Variants in TCEANC2 observed in about 807,000 individuals in gnomAD.
The protein encoded by TCEANC2 is transcription elongation factor A N-terminal and central domain containing 2, also known as transcription elongation factor A N-terminal and central domain-containing protein 2.
In TCEANC2, 20 loss-of-function variants were observed where a neutral mutation model predicts 22.8. That is an observed-to-expected ratio of 0.88 (90% CI 0.62 to 1.28). The LOEUF is 1.28. TCEANC2 is among the 50% of genes most tolerant of loss of function. TCEANC2 has a pLI of 0.00. For missense variants in TCEANC2, 251 were observed against 249.7 expected, an observed-to-expected ratio of 1.01 and a Z score of -0.03; for synonymous variants, 84 against 95.5, an observed-to-expected ratio of 0.88 and a Z score of 0.70.
chr1:54,073,575 A>G (rs896387177), intron 3 of TCEANC2, among the ~76,000 whole-genome samples: 1 of 152,114 alleles, frequency 6.6e-6, no homozygotes, highest in African/African-American at 2.4e-5. Flanking sequence ...TCCAGGATCT[A>G]GTAATACTGC....
intron 2 of TCEANC2, among the ~76,000 whole-genome samples, chr1:54,055,717 T>C (rs959625363): frequency 3.9e-5 from 6 of 152,216 alleles, no homozygotes; most frequent in East Asian, 1.9e-4. Context: ...ATATACTCAA[T>C]TGGACTCCTT....
chr1:54,085,050 C>G (rs1658314683), intron 3 of TCEANC2, among the ~76,000 whole-genome samples: 1 of 152,180 alleles, frequency 6.6e-6, no homozygotes, highest in Non-Finnish European at 1.5e-5. Flanking sequence ...TCCTCTTCCT[C>G]CTTGTGATGA....
chr1:54,096,337 C>G lies in TCEANC2; in HGVS notation c.491C>G (p.Ser164Cys), dbSNP rs41294786. ...GAACGGGAAACGTTTCATCTCTGCT[C>G]CCGCCTCATTAATGGGCCGTACCGG... ...NIERETFHLC[S>C]RLINGPYRRT... Residue 164 changes from serine (S) to cysteine (C), a missense_variant, in exon 5 of 5, where the codon TCC (serine) becomes TGC (cysteine). Ser to Cys is a moderately radical substitution (Grantham distance 112). Transcript: ENST00000234827. This position sits in a 1 kb window ranked among gnomAD's most constrained non-coding sequence, Gnocchi z 4.9. 4,023 of 1,609,308 alleles carry G rather than the reference C, an allele frequency of 2.5e-3. 12 individuals carry two copies. The highest frequency in any genetic ancestry group is 3.3e-3 in the Non-Finnish European group (3,845 of 1,175,864).
intron 3 of TCEANC2, among the ~76,000 whole-genome samples, chr1:54,072,459 C>T (rs190039601): frequency 3.6e-4 from 55 of 151,708 alleles, no homozygotes; most frequent in Admixed American, 1.8e-3. Flanking sequence ...TGCAGTGGCG[C>T]GATCTCAGCT....
At chr1:54,107,440 A>G (rs552337889), downstream of TCEANC2, among the ~76,000 whole-genome samples, 190 of 152,060 alleles carry the variant, frequency 1.2e-3, 1 homozygote, top group Non-Finnish European at 2.0e-3. Context: ...TGAAGTTGTC[A>G]TTTTTCCCTT....
intron 4 of TCEANC2, chr1:54,090,050 C>A: frequency 1.5e-6 from 1 of 662,802 alleles, no homozygotes; most frequent in Non-Finnish European, 2.8e-6. Context: ...TAGAATGGAA[C>A]CTGTCCCCTG....
At chr1:54,090,820 T>C (rs1050123801) in intron 4 of TCEANC2, among the ~76,000 whole-genome samples, 5 of 152,182 alleles carry the variant, frequency 3.3e-5, no homozygotes, top group African/African-American at 1.2e-4. Flanking sequence ...TAATACGTAG[T>C]TAATGTGGTG....
chr1:54,061,640 A>G (rs1019418280), intron 2 of TCEANC2, among the ~76,000 whole-genome samples: 4 of 152,210 alleles, frequency 2.6e-5, no homozygotes, highest in Non-Finnish European at 2.9e-5. Context: ...AAACTAAGGC[A>G]CAGAGAGATT....
intron 2 of TCEANC2, among the ~76,000 whole-genome samples, chr1:54,066,611 G>A (rs1474241403): frequency 4.6e-5 from 7 of 152,132 alleles, no homozygotes; most frequent in South Asian, 2.1e-4. Flanking sequence ...AAAATTCTAA[G>A]ACATTTGTGT....
At chr1:54,054,315 C>A (rs1180942250) in intron 1 of TCEANC2, 66 bp from the exon 2 acceptor site, 1 of 1,526,558 alleles carries the variant, frequency 6.6e-7, no homozygotes, top group East Asian at 2.4e-5. Flanking sequence ...AATTGTGTTA[C>A]TTTGGGGAAA....
rs1226300618 is a variant in TCEANC2, at chr1:54,098,623, G to A, written c.*2150G>A. 6.6e-6 allele frequency: 1 copy of A among 152,176 alleles called. No homozygotes were observed. The highest frequency in any genetic ancestry group is 1.9e-4 in the East Asian group (1 of 5,198). The allele number at this position is 152,176 out of a possible 1,614,324, so 9.4% of individuals were successfully genotyped here. ...TTCATGAAAGCAGAGTCTCTGTTCT[G>A]TTCCCTGTTATATCTCCAGCATCTG... is the stretch of plus-strand genomic sequence containing the variant. On this transcript the variant is annotated 3_prime_UTR_variant, in exon 5 of 5. Transcript: ENST00000234827.
At chr1:54,068,699 G>A (rs1358846366) in intron 2 of TCEANC2, 57 bp from the exon 3 acceptor site, 7 of 1,542,186 alleles carry the variant, frequency 4.5e-6, no homozygotes, top group Admixed American at 2.1e-5. Context: ...TCAGGTGAAG[G>A]CAGATGTCTT....
At position 54,104,843 on chromosome 1, in the gene TCEANC2, C is replaced by T. The variant is rs1658723236; in HGVS notation, c.*8370C>T. 3.0e-6 allele frequency: 1 copy of T among 333,738 alleles called. No individual in the cohort carries two copies. Among genetic ancestry groups the T allele is most frequent in the African/African-American group, 2.2e-5 (1 of 46,348 alleles). 20.7% of individuals were successfully genotyped at this position (333,738 alleles called of 1,614,324 possible). ...AGGCGTGAGCCACTGCGCCTGGCCCCTTGCCCAATATTTATAAAATAATTA... is the reference window on the plus strand; with the variant it reads ...AGGCGTGAGCCACTGCGCCTGGCCCTTTGCCCAATATTTATAAAATAATTA... On this transcript the variant is annotated 3_prime_UTR_variant, in exon 5 of 5. Transcript: ENST00000234827.
chr1:54,065,128 G>C (rs917435778), intron 2 of TCEANC2, among the ~76,000 whole-genome samples: 1 of 152,146 alleles, frequency 6.6e-6, no homozygotes, highest in African/African-American at 2.4e-5. Flanking sequence ...AGTATGAAAA[G>C]AGAACAGGTA....
At position 54,054,527 on chromosome 1, in the gene TCEANC2, G is replaced by A; in HGVS notation, c.102+3G>A. 3.1e-6 allele frequency: 5 copies of A among 1,611,642 alleles called. No homozygotes were observed. The highest frequency in any genetic ancestry group is 1.7e-6 in the Non-Finnish European group (2 of 1,178,936). On this transcript the variant is annotated splice_donor_region_variant and intron_variant, in intron 2 of 4. Transcript: ENST00000234827. ...AGGCCACGATTGAATCTCTGAAGGTGAGAGGGGATCTGGGGCTAGAGGAAA... is the reference window on the plus strand; with the variant it reads ...AGGCCACGATTGAATCTCTGAAGGTAAGAGGGGATCTGGGGCTAGAGGAAA...
chr1:54,056,232 G>C (rs1392150551), intron 2 of TCEANC2, among the ~76,000 whole-genome samples: 2 of 152,068 alleles, frequency 1.3e-5, no homozygotes, highest in Non-Finnish European at 2.9e-5. Flanking sequence ...CTCTCTCCAG[G>C]AAAAAGGTGG....
rs1658562194 is a variant in TCEANC2, at chr1:54,096,631, G to C, written c.*158G>C. On this transcript the variant is annotated 3_prime_UTR_variant, in exon 5 of 5. Transcript: ENST00000234827. The surrounding 1 kb of genome is among the most constrained non-coding windows in gnomAD (Gnocchi z 4.9). ...CAGACAGAGGATTCGGAGAGCCCTA[G>C]GAGACAGGCCTGCAGGAATGTGCTT... 1 of 1,372,538 alleles carries C rather than the reference G, an allele frequency of 7.3e-7. No individual in the cohort carries two copies. Among genetic ancestry groups the C allele is most frequent in the South Asian group, 1.7e-5 (1 of 59,026 alleles). 85.0% of individuals were successfully genotyped at this position (1,372,538 alleles called of 1,614,324 possible).
chr1:54,058,806 G>A (rs1405145844), intron 2 of TCEANC2, among the ~76,000 whole-genome samples: 2 of 152,048 alleles, frequency 1.3e-5, no homozygotes, highest in African/African-American at 2.4e-5. Flanking sequence ...ACAGGCACAC[G>A]CCACCATGCC....
Position 54,091,111 on chromosome 1 carries a change from T to A in TCEANC2, c.438+2321T>A, listed in dbSNP as rs140785671. Among the ~76,000 whole-genome samples the A allele has an allele frequency of 5.7e-3, 855 of 150,206 alleles. 7 individuals carry two copies. The highest frequency in any genetic ancestry group is 0.02 in the African/African-American group (813 of 40,872). On this transcript the variant is annotated intron_variant, in intron 4 of 4. Coordinates refer to ENST00000234827, the MANE Select transcript of TCEANC2 (RefSeq NM_153035.3). Reference sequence around the variant, plus strand: ...TGGTTTTGTTCCCAAAGAGTAAATTTAAAAAATTAAAAGTATGCATCTCAC... The same window carrying A: ...TGGTTTTGTTCCCAAAGAGTAAATTAAAAAAATTAAAAGTATGCATCTCAC...
Sources: allele counts gnomAD v4.1 joint callset (sites outside exome capture counted in the v4.1 genomes callset), GRCh38; gene constraint gnomAD v4.1.1; non-coding constraint Gnocchi (gnomAD v3.1); transcripts MANE v1.5; gene names NCBI Gene and HGNC (gene_info 2026-07-23, HGNC 2026-07-21).